ST8SIA2: variants seen among roughly 807,000 people sequenced by gnomAD.
ST8SIA2 encodes the protein ST8 alpha-N-acetyl-neuraminide alpha-2,8-sialyltransferase 2.
Under a neutral mutation model 37.6 loss-of-function variants are expected in ST8SIA2, and 22 were observed. The observed-to-expected ratio is 0.58, with a 90% CI of 0.42 to 0.83. The LOEUF is 0.83. ST8SIA2 is among the 40% of genes least tolerant of loss of function. The pLI, the probability that ST8SIA2 is intolerant of heterozygous loss-of-function variation, is 0.00. For synonymous variants in ST8SIA2, 205 were observed against 201.2 expected (o/e 1.02, Z -0.16); for missense variants, 382 against 484.7 (o/e 0.79, Z 1.99).
intron 5 of ST8SIA2, among the ~76,000 whole-genome samples, chr15:92,460,183 A>G (rs1381562803): frequency 1.3e-5 from 2 of 152,162 alleles, no homozygotes; most frequent in African/African-American, 2.4e-5. Flanking sequence ...TTCTCTAAAT[A>G]TATCTCATTC....
chr15:92,408,808 C>A (rs1398735201), intron 1 of ST8SIA2, among the ~76,000 whole-genome samples: 1 of 151,890 alleles, frequency 6.6e-6, no homozygotes, highest in Admixed American at 6.6e-5. Context: ...TGGGTTCAAG[C>A]AATTCTCCTG....
intron 1 of ST8SIA2, among the ~76,000 whole-genome samples, chr15:92,423,378 G>A (rs543130404): frequency 1.3e-5 from 2 of 152,332 alleles, no homozygotes; most frequent in South Asian, 2.1e-4. Context: ...CTGAGATCAC[G>A]CCCCTATACT....
At chr15:92,464,010 G>A (rs1596252977) in intron 5 of ST8SIA2, 90 bp from the exon 6 acceptor site, 1 of 1,495,328 alleles carries the variant, frequency 6.7e-7, no homozygotes, top group Non-Finnish European at 8.9e-7. Flanking sequence ...AAGGCAGGCT[G>A]CTGGGCAGGA....
At chr15:92,430,663 G>C (rs1246227498) in intron 2 of ST8SIA2, among the ~76,000 whole-genome samples, 4 of 152,174 alleles carry the variant, frequency 2.6e-5, no homozygotes. Flanking sequence ...CTTGATGCAG[G>C]ACAGCGTGCA....
intron 5 of ST8SIA2, among the ~76,000 whole-genome samples, chr15:92,448,546 C>T (rs946895728): frequency 3.9e-5 from 6 of 152,226 alleles, no homozygotes; most frequent in African/African-American, 9.6e-5. Flanking sequence ...GTAGCGACAC[C>T]TCCAAAGGGT....
At position 92,393,902 on chromosome 15, in the gene ST8SIA2, G is replaced by A. The variant is rs1351519580; in HGVS notation, c.-163G>A. 4.0e-6 allele frequency: 1 copy of A among 249,932 alleles called. No homozygotes were observed. 15.5% of individuals were successfully genotyped at this position (249,932 alleles called of 1,614,324 possible). A position where few individuals can be genotyped will look rare whatever the true frequency, so the allele number is the denominator to read the frequency against. ...GCCTGAGCAACCCCTGCCTGTCGCTGCCGCTGCCGCTGCCGCTGCCGCCGC... is the reference window on the plus strand; with the variant it reads ...GCCTGAGCAACCCCTGCCTGTCGCTACCGCTGCCGCTGCCGCTGCCGCCGC... On this transcript the variant is annotated 5_prime_UTR_variant, in exon 1 of 6. Transcript: ENST00000268164.
chr15:92,413,725 C>G (rs1432936142), intron 1 of ST8SIA2, among the ~76,000 whole-genome samples: 1 of 152,222 alleles, frequency 6.6e-6, no homozygotes, highest in Admixed American at 6.5e-5. Context: ...GTGGAGAAGT[C>G]AGCAGGGAAG....
chr15:92,409,136 G>A (rs865905850), intron 1 of ST8SIA2, among the ~76,000 whole-genome samples: 13 of 152,280 alleles, frequency 8.5e-5, no homozygotes, highest in Middle Eastern at 3.4e-3. Flanking sequence ...CTGAGGTCTC[G>A]TGCACAGAAG....
intron 5 of ST8SIA2, among the ~76,000 whole-genome samples, chr15:92,453,350 T>G (rs1316625276): frequency 6.6e-6 from 1 of 152,224 alleles, no homozygotes; most frequent in African/African-American, 2.4e-5. Context: ...AGTGGTCTGC[T>G]TAGCACATTC....
At chr15:92,406,994 CAA>C (rs1163260963) in intron 1 of ST8SIA2, among the ~76,000 whole-genome samples, 10 of 51,282 alleles carry the variant, frequency 1.9e-4, no homozygotes, top group Non-Finnish European at 3.6e-4. Flanking sequence ...AACCCTGTCT[CAA>C]AAAAAAAAAA....
At chr15:92,425,398 A>G (rs2049668114) in intron 1 of ST8SIA2, among the ~76,000 whole-genome samples, 1 of 152,274 alleles carries the variant, frequency 6.6e-6, no homozygotes, top group Non-Finnish European at 1.5e-5. Context: ...TTCAGAAGAA[A>G]ACCCCCACTT....
At chr15:92,462,649 A>G (rs2049965599) in intron 5 of ST8SIA2, among the ~76,000 whole-genome samples, 2 of 152,224 alleles carry the variant, frequency 1.3e-5, no homozygotes, top group Non-Finnish European at 2.9e-5. Context: ...GGAGATGTCA[A>G]CAGAAACCAT....
intron 1 of ST8SIA2, among the ~76,000 whole-genome samples, chr15:92,404,557 C>T (rs1332699233): frequency 6.6e-6 from 1 of 151,518 alleles, no homozygotes; most frequent in African/African-American, 2.4e-5. Context: ...TGTGGTGGCT[C>T]ACACCTGTAA....
chr15:92,393,945 G>A lies in ST8SIA2; in HGVS notation c.-120G>A, dbSNP rs947108650. ...GCCGCCGCCGGCCCGGACTCGTCCG[G>A]AGCGCAGGGTGTCTGCCCAGCTGCG... is the stretch of plus-strand genomic sequence containing the variant. On this transcript the variant is annotated 5_prime_UTR_variant, in exon 1 of 6. Coordinates refer to ENST00000268164, the MANE Select transcript of ST8SIA2 (RefSeq NM_006011.4). The A allele has an allele frequency of 1.7e-5, 8 of 464,362 alleles. No individual in the cohort carries two copies. In the South Asian group the frequency reaches 4.6e-4, roughly 27 times the overall value. The allele number at this position is 464,362 out of a possible 1,614,324, so 28.8% of individuals were successfully genotyped here.
chr15:92,452,235 T>C (rs902249468), intron 5 of ST8SIA2, among the ~76,000 whole-genome samples: 4 of 152,190 alleles, frequency 2.6e-5, no homozygotes, highest in South Asian at 2.1e-4. Context: ...GGGAACTTGT[T>C]AGAGACGCAC....
intron 3 of ST8SIA2, among the ~76,000 whole-genome samples, chr15:92,434,761 C>A (rs997031480): frequency 2.6e-5 from 4 of 152,238 alleles, no homozygotes; most frequent in African/African-American, 9.6e-5. Flanking sequence ...CAGTGACAGT[C>A]CTCCAGTTTG....
intron 1 of ST8SIA2, among the ~76,000 whole-genome samples, chr15:92,414,398 A>G (rs2049571930): frequency 6.6e-6 from 1 of 152,134 alleles, no homozygotes; most frequent in African/African-American, 2.4e-5. Context: ...ACTACATTCC[A>G]GTTTTGACTC....
At chr15:92,460,387 A>C (rs182641708) in intron 5 of ST8SIA2, among the ~76,000 whole-genome samples, 1 of 152,226 alleles carries the variant, frequency 6.6e-6, no homozygotes, top group Non-Finnish European at 1.5e-5. Context: ...ATTAGAGCTG[A>C]AAATGCAATG....
Position 92,393,954 on chromosome 15 carries a change from G to A in ST8SIA2, c.-111G>A. The A allele has an allele frequency of 1.8e-6, 1 of 566,938 alleles. No individual in the cohort carries two copies. Among genetic ancestry groups the A allele is most frequent in the Non-Finnish European group, 2.6e-6 (1 of 379,430 alleles). The allele number at this position is 566,938 out of a possible 1,614,324, so 35.1% of individuals were successfully genotyped here. A position where few individuals can be genotyped will look rare whatever the true frequency, so the allele number is the denominator to read the frequency against. ...GGCCCGGACTCGTCCGGAGCGCAGG[G>A]TGTCTGCCCAGCTGCGCGCGGCGCG... On this transcript the variant is annotated 5_prime_UTR_variant, in exon 1 of 6. It adds an upstream start codon to the 5' untranslated region. Transcript: ENST00000268164.
Sources: gnomAD v4.1 joint callset for allele counts (sites outside exome capture counted in the v4.1 genomes callset) on GRCh38, gnomAD v4.1.1 for gene constraint, MANE v1.5 for transcripts, NCBI Gene and HGNC (gene_info 2026-07-23, HGNC 2026-07-21) for gene names.